EXT2: variants seen among roughly 807,000 people sequenced by gnomAD.
The protein encoded by EXT2 is exostosin glycosyltransferase 2.
Under a neutral mutation model 81.6 loss-of-function variants are expected in EXT2, and 53 were observed. The ratio of observed to expected loss-of-function variants is 0.65; its 90% CI spans 0.52 to 0.82. The LOEUF (loss-of-function observed/expected upper bound fraction) is 0.82, where lower values mean the gene tolerates loss of function less well. EXT2 is among the 40% of genes least tolerant of loss of function. The pLI is 0.00. For missense variants in EXT2, 774 were observed against 910.2 expected (o/e 0.85, Z 1.93); for synonymous variants, 320 against 340.0 (o/e 0.94, Z 0.65).
At chr11:44,158,980 G>T (rs745619912) in intron 7 of EXT2, among the ~76,000 whole-genome samples, 1 of 151,914 alleles carries the variant, frequency 6.6e-6, no homozygotes, top group Non-Finnish European at 1.5e-5. Flanking sequence ...TAGGTAAGGT[G>T]TTTTCCCCTA....
intron 6 of EXT2, among the ~76,000 whole-genome samples, chr11:44,127,814 G>A (rs1312948643): frequency 6.6e-6 from 1 of 152,196 alleles, no homozygotes; most frequent in East Asian, 1.9e-4. Context: ...TATTGAATTT[G>A]CATAATGTTG....
intron 7 of EXT2, among the ~76,000 whole-genome samples, chr11:44,136,551 A>C (rs575646320): frequency 2.6e-5 from 4 of 152,262 alleles, no homozygotes; most frequent in African/African-American, 7.2e-5. Flanking sequence ...GACATTTAGG[A>C]CTGGACACAG....
intron 11 of EXT2, 90 bp downstream of exon 11, chr11:44,232,586 A>G: frequency 6.5e-7 from 1 of 1,532,482 alleles, no homozygotes; most frequent in Non-Finnish European, 8.9e-7. Flanking sequence ...ACCTGCCAAG[A>G]GGGCTTAGAA....
At chr11:44,210,337 C>T (rs766856229) in intron 10 of EXT2, among the ~76,000 whole-genome samples, 11 of 152,166 alleles carry the variant, frequency 7.2e-5, no homozygotes, top group Non-Finnish European at 1.2e-4. Context: ...ACTATTGATA[C>T]ATGCAACAAC....
chr11:44,188,564 T>C (rs1223440250), intron 8 of EXT2, among the ~76,000 whole-genome samples: 1 of 152,166 alleles, frequency 6.6e-6, no homozygotes, highest in Non-Finnish European at 1.5e-5. Context: ...AACCCTGTCA[T>C]AAGGACCATA....
chr11:44,209,966 A>G (rs183087109), intron 10 of EXT2, among the ~76,000 whole-genome samples: 154 of 152,366 alleles, frequency 1.0e-3, no homozygotes, highest in African/African-American at 3.6e-3. Context: ...CATTTGATGA[A>G]TGAATAAATC....
chr11:44,214,741 A>G (rs933018424), intron 10 of EXT2, among the ~76,000 whole-genome samples: 2 of 151,482 alleles, frequency 1.3e-5, no homozygotes, highest in Non-Finnish European at 2.9e-5. Context: ...TAATCTTTTC[A>G]AAGAATTGAC....
At chr11:44,182,726 A>T (rs753976235) in intron 8 of EXT2, among the ~76,000 whole-genome samples, 4 of 152,186 alleles carry the variant, frequency 2.6e-5, no homozygotes, top group Non-Finnish European at 2.9e-5. Context: ...ATCTCTAAAT[A>T]CTTCTTATAC....
chr11:44,137,271 A>G (rs1954584457), intron 7 of EXT2, among the ~76,000 whole-genome samples: 1 of 152,222 alleles, frequency 6.6e-6, no homozygotes, highest in African/African-American at 2.4e-5. Context: ...GCCTGTAAAT[A>G]AATTTTCCTG....
intron 7 of EXT2, among the ~76,000 whole-genome samples, chr11:44,132,833 C>T (rs759263233): frequency 2.6e-5 from 4 of 152,218 alleles, no homozygotes; most frequent in Non-Finnish European, 2.9e-5. Context: ...CTCTCCACTG[C>T]GGCAACTCAC....
At chr11:44,221,440 G>C (rs563402347) in intron 10 of EXT2, among the ~76,000 whole-genome samples, 2 of 152,166 alleles carry the variant, frequency 1.3e-5, no homozygotes, top group African/African-American at 4.8e-5. Context: ...CCCTCCCCCT[G>C]TTCAAAATGA....
At chr11:44,243,351 T>G (rs1956058579) in intron 13 of EXT2, among the ~76,000 whole-genome samples, 1 of 152,152 alleles carries the variant, frequency 6.6e-6, no homozygotes, top group East Asian at 1.9e-4. Flanking sequence ...GAAGGCTGAC[T>G]TTGGGGGTGA....
chr11:44,171,929 G>C (rs1240176470), intron 8 of EXT2, 187 bp downstream of exon 8: 2 of 779,208 alleles, frequency 2.6e-6, no homozygotes, highest in Non-Finnish European at 4.2e-6. Flanking sequence ...AAAAAATACG[G>C]AAGCAGCAGC....
rs529991195 is a variant in EXT2, at chr11:44,224,899, G to C, written c.1663-7454G>C. On this transcript the variant is annotated intron_variant, in intron 10 of 13. Transcript: ENST00000533608. ...TTGAAATTTTGAAGGCCCAATAATA[G>C]TTGTTTATAAGAAACTGAAGTCTCT... 2.6e-5 allele frequency among the ~76,000 whole-genome samples: 4 copies of C among 152,286 alleles called. No individual in the cohort carries two copies. The South Asian group carries it at 8.3e-4, about 32-fold the overall frequency.
At chr11:44,227,266 A>G (rs1209695985) in intron 10 of EXT2, among the ~76,000 whole-genome samples, 2 of 152,206 alleles carry the variant, frequency 1.3e-5, no homozygotes, top group African/African-American at 2.4e-5. Context: ...TCTTTTTAGG[A>G]CCATTTATTG....
chr11:44,194,785 T>C (rs961864947), intron 8 of EXT2, among the ~76,000 whole-genome samples: 20 of 152,322 alleles, frequency 1.3e-4, no homozygotes, highest in Non-Finnish European at 2.9e-4. Flanking sequence ...TTTTATACAC[T>C]TTTTTAAAGG....
At chr11:44,223,891 T>C (rs1056717643) in intron 10 of EXT2, among the ~76,000 whole-genome samples, 3 of 152,112 alleles carry the variant, frequency 2.0e-5, no homozygotes, top group Non-Finnish European at 2.9e-5. Flanking sequence ...GACCTTGTGA[T>C]CCACCCGCCT....
At chr11:44,167,968 C>T (rs759126603) in intron 7 of EXT2, among the ~76,000 whole-genome samples, 10 of 148,546 alleles carry the variant, frequency 6.7e-5, no homozygotes, top group Non-Finnish European at 1.0e-4. Flanking sequence ...TCCCCCCTCC[C>T]CACTCCCCCG....
chr11:44,096,091 C>A lies in EXT2; in HGVS notation c.-31+239C>A, dbSNP rs1590532504. 5 of 718,968 alleles carry A rather than the reference C, an allele frequency of 7.0e-6. No homozygotes were observed. The East Asian group carries it at 1.4e-4, about 19-fold the overall frequency. The allele number at this position is 718,968 out of a possible 1,614,324, so 44.5% of individuals were successfully genotyped here. A position where few individuals can be genotyped will look rare whatever the true frequency, so the allele number is the denominator to read the frequency against. ...TCTCCTTCTCCTCCGGCGGCGGCCG[C>A]GCTTTCAGCATCTTGGTACCCACCT... On this transcript the variant is annotated intron_variant, in intron 1 of 13. Coordinates refer to ENST00000533608, the MANE Select transcript of EXT2 (RefSeq NM_207122.2).
Sources: allele counts gnomAD v4.1 joint callset (sites outside exome capture counted in the v4.1 genomes callset), GRCh38; gene constraint gnomAD v4.1.1; transcripts MANE v1.5; gene names NCBI Gene and HGNC (gene_info 2026-07-23, HGNC 2026-07-21).